The following P3H2 variants were observed in gnomAD, a reference collection of about 807,000 sequenced individuals.
The protein encoded by P3H2 is leprecan-like 1.
P3H2 carries 80 observed loss-of-function variants against 87.0 expected under a neutral mutation model. The ratio of observed to expected loss-of-function variants is 0.92; its 90% CI spans 0.77 to 1.11. P3H2 has a LOEUF of 1.11. Ranked by LOEUF, P3H2 falls within the 50% of genes least tolerant of loss-of-function variation. The pLI is 0.00. For synonymous variants in P3H2, 367 were observed against 359.3 expected, an observed-to-expected ratio of 1.02 and a Z score of -0.24; for missense variants, 1,001 against 923.9, an observed-to-expected ratio of 1.08 and a Z score of -1.08.
At chr3:190,012,603 C>A (rs1724629054) in intron 1 of P3H2, among the ~76,000 whole-genome samples, 1 of 152,152 alleles carries the variant, frequency 6.6e-6, no homozygotes, top group African/African-American at 2.4e-5. Context: ...TTGGGCAATT[C>A]TCCTTCCAAA....
intron 1 of P3H2, among the ~76,000 whole-genome samples, chr3:190,011,599 C>A (rs1040808090): frequency 2.6e-5 from 4 of 152,094 alleles, no homozygotes; most frequent in Admixed American, 6.6e-5. Flanking sequence ...GTGCTGAAAA[C>A]CCCAAATACC....
intron 1 of P3H2, among the ~76,000 whole-genome samples, chr3:190,068,141 T>C (rs1726573836): frequency 6.6e-6 from 1 of 152,170 alleles, no homozygotes; most frequent in Non-Finnish European, 1.5e-5. Flanking sequence ...ACATTGTTTA[T>C]AAAAATTTTA....
intron 1 of P3H2, among the ~76,000 whole-genome samples, chr3:190,044,132 A>C (rs1204347020): frequency 6.6e-6 from 1 of 152,224 alleles, no homozygotes; most frequent in Non-Finnish European, 1.5e-5. Context: ...TTTCTTTAAA[A>C]TAAAAACAAA....
intron 1 of P3H2, among the ~76,000 whole-genome samples, chr3:190,040,252 A>G (rs558835853): frequency 1.3e-5 from 2 of 152,290 alleles, no homozygotes; most frequent in East Asian, 3.9e-4. Context: ...CCTGGGATGA[A>G]GATATTTGTA....
rs538525840 is a variant in P3H2 at position 190,087,461 on chromosome 3, G to A, written c.480+32791C>T. ...CCGAAGGCTGAGGCAGGAGAATGGC[G>A]TGAACCTGGGAGGCGGAGCTTGCAG... is the stretch of plus-strand genomic sequence containing the variant. On this transcript the variant is annotated intron_variant, in intron 1 of 14. Coordinates refer to ENST00000319332, the MANE Select transcript of P3H2 (RefSeq NM_018192.4). Among the ~76,000 whole-genome samples, 6 of 149,242 alleles carry A rather than the reference G, an allele frequency of 4.0e-5. No individual in the cohort carries two copies. In the East Asian group the frequency reaches 7.9e-4, roughly 20 times the overall value.
At chr3:190,046,051 A>G (rs574431548) in intron 1 of P3H2, among the ~76,000 whole-genome samples, 1 of 150,238 alleles carries the variant, frequency 6.7e-6, no homozygotes, top group South Asian at 2.1e-4. Flanking sequence ...TGAACCCGGG[A>G]GGCAGAGCTT....
intron 1 of P3H2, among the ~76,000 whole-genome samples, chr3:190,051,645 A>C (rs1477287642): frequency 6.6e-6 from 1 of 152,256 alleles, no homozygotes; most frequent in Non-Finnish European, 1.5e-5. Flanking sequence ...ATTGGAACAC[A>C]AAAAATAACA....
chr3:190,040,150 T>C (rs957316312), intron 1 of P3H2, among the ~76,000 whole-genome samples: 1 of 152,118 alleles, frequency 6.6e-6, no homozygotes, highest in African/African-American at 2.4e-5. Flanking sequence ...AAAAAACCCG[T>C]CTTACACTTT....
Position 190,110,422 on chromosome 3 carries a change from C to T in P3H2, c.480+9830G>A, listed in dbSNP as rs551331415. On this transcript the variant is annotated intron_variant, in intron 1 of 14. Transcript: ENST00000319332. ...AAACCCGGACTGAAATGCTTATTGA[C>T]CTGAAAACCTGCAAACCCCACTGTT... Among the ~76,000 whole-genome samples the T allele has an allele frequency of 1.2e-4, 19 of 152,278 alleles. No individual in the cohort carries two copies. In the East Asian group the frequency reaches 3.5e-3, roughly 28 times the overall value.
rs116364598 is a variant in P3H2 at position 190,060,982 on chromosome 3, G to T, written c.480+59270C>A. ...AATTTTGTTATGTGTAGATTGCTTAGTGGTGAAGTCAGGGCTTCCAGGCTA... is the reference window on the plus strand; with the variant it reads ...AATTTTGTTATGTGTAGATTGCTTATTGGTGAAGTCAGGGCTTCCAGGCTA... On this transcript the variant is annotated intron_variant, in intron 1 of 14. Coordinates refer to ENST00000319332, the MANE Select transcript of P3H2 (RefSeq NM_018192.4). Among the ~76,000 whole-genome samples the T allele has an allele frequency of 4.1e-3, 616 of 151,968 alleles. 4 individuals carry two copies. The highest frequency in any genetic ancestry group is 0.014 in the African/African-American group (576 of 41,420).
chr3:189,962,216 TAC>T (rs1722839997), intron 14 of P3H2, among the ~76,000 whole-genome samples: 1 of 141,304 alleles, frequency 7.1e-6, no homozygotes, highest in South Asian at 2.4e-4. Flanking sequence ...TCGCCCAGGT[TAC>T]AGTGTGGTGG....
chr3:190,072,852 T>C (rs1474295445), intron 1 of P3H2, among the ~76,000 whole-genome samples: 1 of 152,248 alleles, frequency 6.6e-6, no homozygotes, highest in Non-Finnish European at 1.5e-5. Flanking sequence ...TTCTGGATGA[T>C]GATGTTGAAT....
intron 1 of P3H2, among the ~76,000 whole-genome samples, chr3:190,063,527 A>AT (rs1172342566): frequency 3.9e-5 from 6 of 152,158 alleles, no homozygotes; most frequent in Non-Finnish European, 7.4e-5. Flanking sequence ...TCAGACTTCC[A>AT]TTTTTTAAGT....
intron 1 of P3H2, among the ~76,000 whole-genome samples, chr3:190,011,664 A>G (rs955900814): frequency 6.6e-6 from 1 of 152,262 alleles, no homozygotes; most frequent in Non-Finnish European, 1.5e-5. Flanking sequence ...TTCGTCAAGC[A>G]GATTTTTTAA....
chr3:190,029,135 G>A (rs1725176975), intron 1 of P3H2, among the ~76,000 whole-genome samples: 1 of 152,210 alleles, frequency 6.6e-6, no homozygotes, highest in Non-Finnish European at 1.5e-5. Context: ...GAGTTCGAGT[G>A]GGGGTGGTTA....
Position 189,969,177 on chromosome 3 carries a change from T to C in P3H2, c.1893+1639A>G, listed in dbSNP as rs113523670. The C allele has an allele frequency of 3.3e-5, 22 of 668,534 alleles. No individual in the cohort carries two copies. The Middle Eastern group carries it at 1.1e-3, about 32-fold the overall frequency. The allele number at this position is 668,534 out of a possible 1,614,324, so 41.4% of individuals were successfully genotyped here. A position where few individuals can be genotyped will look rare whatever the true frequency, so the allele number is the denominator to read the frequency against. ...TCTGTAAGTCCCGGTCCACCAAAAC[T>C]GCTTCCTCGTGCTCCTTCCAGCAGT... On this transcript the variant is annotated intron_variant, in intron 13 of 14. Transcript: ENST00000319332.
chr3:189,988,892 T>C lies in P3H2; in HGVS notation c.955+15A>G, dbSNP rs765703359. The C allele has an allele frequency of 4.3e-6, 7 of 1,613,998 alleles. No individual in the cohort carries two copies. Among genetic ancestry groups the C allele is most frequent in the Non-Finnish European group, 5.9e-6 (7 of 1,179,944 alleles). ...CAACCCCCCAAGAAGTCTTCACGGA[T>C]GATCCACGCTTTACCTCGATAGTAG... On this transcript the variant is annotated intron_variant, in intron 4 of 14. Coordinates refer to ENST00000319332, the MANE Select transcript of P3H2 (RefSeq NM_018192.4).
chr3:190,023,626 G>A (rs187756712), intron 1 of P3H2, among the ~76,000 whole-genome samples: 14 of 152,246 alleles, frequency 9.2e-5, no homozygotes, highest in South Asian at 8.3e-4. Flanking sequence ...TGACATGGGC[G>A]GCGGGGATTA....
chr3:189,995,556 GTTTTTTT>G, intron 1 of P3H2, 114 bp from the exon 2 acceptor site: 2 of 839,178 alleles, frequency 2.4e-6, no homozygotes, highest in Non-Finnish European at 3.6e-6. Context: ...AGGAGCCTTG[GTTTTTTT>G]TTTTTTTATC....
Sources: allele counts gnomAD v4.1 joint callset (sites outside exome capture counted in the v4.1 genomes callset), GRCh38; gene constraint gnomAD v4.1.1; transcripts MANE v1.5; gene names NCBI Gene and HGNC (gene_info 2026-07-23, HGNC 2026-07-21).